Variants in NUP62CL observed in about 807,000 individuals in gnomAD.
The protein encoded by NUP62CL is nucleoporin-62 C-terminal-like protein.
NUP62CL carries 13 observed loss-of-function variants against 15.3 expected under a neutral mutation model. The ratio of observed to expected loss-of-function variants is 0.85; its 90% CI spans 0.55 to 1.35. The LOEUF is 1.35. NUP62CL is among the 40% of genes most tolerant of loss of function. The pLI is 0.00. For missense variants in NUP62CL, 123 were observed against 130.6 expected (o/e 0.94, Z 0.28); for synonymous variants, 54 against 49.2 (o/e 1.10, Z -0.41).
chrX:107,149,646 G>A (rs1361068560), intron 7 of NUP62CL, among the ~76,000 whole-genome samples: 1 of 112,232 alleles, frequency 8.9e-6, no homozygotes, highest in Non-Finnish European at 1.9e-5. Context: ...AAATGGTAAT[G>A]TGTATGTAGA....
intron 1 of NUP62CL, among the ~76,000 whole-genome samples, chrX:107,194,345 G>GA (rs1459357766): frequency 9.0e-6 from 1 of 111,052 alleles, no homozygotes; most frequent in Non-Finnish European, 1.9e-5. Context: ...TTACCAGAGA[G>GA]AAAAAAACAA....
chrX:107,165,625 C>T (rs941326272), intron 4 of NUP62CL, among the ~76,000 whole-genome samples: 3 of 111,352 alleles, frequency 2.7e-5, no homozygotes, highest in South Asian at 7.5e-4. Flanking sequence ...AAATTATACA[C>T]CATGATCAAG....
intron 2 of NUP62CL, among the ~76,000 whole-genome samples, chrX:107,178,958 G>T (rs1198581347): frequency 9.1e-6 from 1 of 109,612 alleles, no homozygotes; most frequent in Non-Finnish European, 1.9e-5. Context: ...AGCTGGGTGT[G>T]GTAGTACACC....
At chrX:107,126,791 T>TG (rs759033395) in intron 8 of NUP62CL, among the ~76,000 whole-genome samples, 1 of 112,289 alleles carries the variant, frequency 8.9e-6, no homozygotes, top group African/African-American at 3.2e-5. Context: ...CCCAGCACTT[T>TG]GGGGGGCCGA....
intron 8 of NUP62CL, among the ~76,000 whole-genome samples, chrX:107,135,750 G>A (rs1925625087): frequency 9.0e-6 from 1 of 111,497 alleles, no homozygotes; most frequent in Admixed American, 9.5e-5. Flanking sequence ...CCTTAGGCAT[G>A]GTTTCACTTT....
chrX:107,202,972 C>G (rs1927522017), intron 1 of NUP62CL, among the ~76,000 whole-genome samples: 1 of 85,744 alleles, frequency 1.2e-5, no homozygotes, highest in Non-Finnish European at 2.2e-5. Flanking sequence ...AGCAGACCGT[C>G]TCAAAAAAAA....
At chrX:107,198,823 C>T (rs966693453) in intron 1 of NUP62CL, among the ~76,000 whole-genome samples, 1 of 112,353 alleles carries the variant, frequency 8.9e-6, no homozygotes, top group Non-Finnish European at 1.9e-5. Context: ...CGAGGGTCCG[C>T]AGCTTCATTC....
At chrX:107,196,153 C>T (rs973468343) in intron 1 of NUP62CL, among the ~76,000 whole-genome samples, 8 of 111,255 alleles carry the variant, frequency 7.2e-5, no homozygotes, top group African/African-American at 2.6e-4. Context: ...AAATGTAGCA[C>T]ATAACTTTAA....
chrX:107,188,774 T>C (rs1927135495), intron 2 of NUP62CL, among the ~76,000 whole-genome samples: 2 of 111,643 alleles, frequency 1.8e-5, no homozygotes, highest in Admixed American at 1.9e-4. Context: ...TGTTTCAGGA[T>C]ACAAGATAGA....
intron 8 of NUP62CL, among the ~76,000 whole-genome samples, chrX:107,146,536 TG>T (rs2147796281): frequency 8.9e-6 from 1 of 112,145 alleles, no homozygotes; most frequent in East Asian, 2.8e-4. Flanking sequence ...GTGAGCTTAA[TG>T]AAAGTGTTCT....
intron 1 of NUP62CL, among the ~76,000 whole-genome samples, chrX:107,198,565 G>A (rs1005190261): frequency 9.0e-6 from 1 of 110,529 alleles, no homozygotes; most frequent in Admixed American, 9.6e-5. Flanking sequence ...CGAACCCATC[G>A]GGAGTAAGAA....
rs149740215 is a variant in NUP62CL, at chrX:107,163,722, T to C, written c.194+3927A>G. Among the ~76,000 whole-genome samples the C allele has an allele frequency of 5.6e-3, 628 of 111,636 alleles. 6 individuals carry two copies. The highest frequency in any genetic ancestry group is 0.019 in the African/African-American group (585 of 30,722). On this transcript the variant is annotated intron_variant, in intron 4 of 8. Transcript: ENST00000372466. ...AAGAAATGGCTATATTAATATCAGA[T>C]AAAGTGGACTACAGAACAAAGAAAA...
chrX:107,154,188 TC>T lies in NUP62CL; in HGVS notation c.252del (p.Trp84Ter). The T allele has an allele frequency of 8.3e-7, 1 of 1,206,504 alleles. No homozygotes were observed. Among genetic ancestry groups the T allele is most frequent in the South Asian group, 1.8e-5 (1 of 56,672 alleles). ...YGHLEGLINE[W>X]NLELEDQEKY... ...TTCTCTTGATCTTCCAGCTCAAGGT[TC>T]CACTCATTTATAAGACCCTCCAGAT... On this transcript the variant is annotated frameshift_variant, in exon 5 of 9. Coordinates refer to ENST00000372466, the MANE Select transcript of NUP62CL (RefSeq NM_017681.3). LOFTEE classifies it high-confidence loss of function.
chrX:107,197,843 T>G (rs1041131087), intron 1 of NUP62CL, among the ~76,000 whole-genome samples: 7 of 111,996 alleles, frequency 6.3e-5, no homozygotes, highest in African/African-American at 2.3e-4. Flanking sequence ...GAGCCTCAGT[T>G]TCCTCACTTC....
At position 107,162,842 on chromosome X, in the gene NUP62CL, CAGG is replaced by C. The variant is rs1926421555; in HGVS notation, c.194+4804_194+4806del. Among the ~76,000 whole-genome samples the C allele has an allele frequency of 3.6e-5, 4 of 111,702 alleles. No individual in the cohort carries two copies. The South Asian group carries it at 1.5e-3, about 42-fold the overall frequency. ...CGGGAGGGGCCTGGGGGAGGATCATCAGGCATTAGATTCTCATCAGGAGCGCAC... is the reference window on the plus strand; with the variant it reads ...CGGGAGGGGCCTGGGGGAGGATCATCCATTAGATTCTCATCAGGAGCGCAC... On this transcript the variant is annotated intron_variant, in intron 4 of 8. Transcript: ENST00000372466.
intron 4 of NUP62CL, 100 bp downstream of exon 4, chrX:107,167,549 T>C (rs1282235483): frequency 1.7e-6 from 1 of 592,661 alleles, no homozygotes; most frequent in Admixed American, 3.7e-5. Context: ...CTCAGTCATT[T>C]AGCTAACTTT....
At chrX:107,202,978 A>C in intron 1 of NUP62CL, among the ~76,000 whole-genome samples, 1 of 106,191 alleles carries the variant, frequency 9.4e-6, no homozygotes, top group Middle Eastern at 4.9e-3. Context: ...CCGTCTCAAA[A>C]AAAAAAAAAA....
Position 107,175,132 on chromosome X carries a change from T to C in NUP62CL, c.15A>G (p.Ser5=). 1 of 1,206,569 alleles carries C rather than the reference T, an allele frequency of 8.3e-7. No homozygotes were observed. The highest frequency in any genetic ancestry group is 1.1e-6 in the Non-Finnish European group (1 of 891,643). ...CAGTGGAGGTCAAAGAATTTGATAT[T>C]GAGGTAAACTGCATGGTGCTTGAAC... MQFT[S]ISNSLTSTAA... Residue 5 remains serine, a synonymous_variant, in exon 3 of 9, where the codon TCA becomes TCG. Transcript: ENST00000372466.
chrX:107,143,072 C>T (rs1925810605), intron 8 of NUP62CL, among the ~76,000 whole-genome samples: 1 of 111,682 alleles, frequency 9.0e-6, no homozygotes, highest in Non-Finnish European at 1.9e-5. Context: ...AGTACTTTGA[C>T]ACCTTTCTAG....
Sources: allele counts gnomAD v4.1 joint callset (sites outside exome capture counted in the v4.1 genomes callset), GRCh38; gene constraint gnomAD v4.1.1; transcripts MANE v1.5; gene names NCBI Gene and HGNC (gene_info 2026-07-23, HGNC 2026-07-21).